The following CDC20B variants were observed in gnomAD, a reference collection of about 807,000 sequenced individuals.
CDC20B encodes the protein cell division cycle 20B, also known as cell division cycle protein 20 homolog B.
Under a neutral mutation model 64.1 loss-of-function variants are expected in CDC20B, and 58 were observed. The ratio of observed to expected loss-of-function variants is 0.90; its 90% CI spans 0.73 to 1.13. The LOEUF is 1.13. Among genes scored for constraint, CDC20B ranks in the 50% most tolerant of loss-of-function variants. The pLI, the probability that CDC20B is intolerant of heterozygous loss-of-function variation, is 0.00. For missense variants in CDC20B, 597 were observed against 633.0 expected, an observed-to-expected ratio of 0.94 and a Z score of 0.61; for synonymous variants, 243 against 230.6, an observed-to-expected ratio of 1.05 and a Z score of -0.49.
intron 6 of CDC20B, among the ~76,000 whole-genome samples, chr5:55,128,923 C>T (rs113526736): frequency 4.1e-4 from 63 of 152,218 alleles, no homozygotes; most frequent in African/African-American, 1.1e-3. Flanking sequence ...CTTCGTTTAA[C>T]GGATCAGTAA....
chr5:55,167,849 G>A (rs1458889232), intron 2 of CDC20B, among the ~76,000 whole-genome samples: 1 of 152,086 alleles, frequency 6.6e-6, no homozygotes, highest in Admixed American at 6.6e-5. Context: ...GGGCAACAGA[G>A]CGAGACCCCA....
chr5:55,129,293 A>T (rs1185192322), intron 6 of CDC20B, among the ~76,000 whole-genome samples: 5 of 152,204 alleles, frequency 3.3e-5, no homozygotes, highest in Non-Finnish European at 7.3e-5. Context: ...ACTCTGAATG[A>T]AATATAAAAA....
intron 2 of CDC20B, among the ~76,000 whole-genome samples, chr5:55,150,233 G>A (rs910787295): frequency 1.3e-5 from 2 of 152,230 alleles, no homozygotes; most frequent in Non-Finnish European, 2.9e-5. Flanking sequence ...TAGGATAATA[G>A]TGAATAAAAC....
At chr5:55,160,709 T>C (rs1174389709) in intron 2 of CDC20B, 1 of 456,404 alleles carries the variant, frequency 2.2e-6, no homozygotes, top group African/African-American at 2.0e-5. Flanking sequence ...TTCTATAATC[T>C]AATAACTTTA....
chr5:55,120,722 G>T (rs1047908512), intron 9 of CDC20B, among the ~76,000 whole-genome samples, 172 bp from the exon 10 acceptor site: 6 of 152,156 alleles, frequency 3.9e-5, no homozygotes, highest in African/African-American at 1.4e-4. Flanking sequence ...ATTCCTCAGG[G>T]ACTAGCAGTC....
In CDC20B at chr5:55,161,284, T is replaced by C; in HGVS notation, c.126+11304A>G. 2 of 1,588,308 alleles carry C rather than the reference T, an allele frequency of 1.3e-6. 1 individual carries two copies. Among genetic ancestry groups the C allele is most frequent in the South Asian group, 2.3e-5 (2 of 88,874 alleles). ...AATATCTGCCTTGCATATGCTGTTT[T>C]AAATTGCTTTTCATTTTTAAACAAT... On this transcript the variant is annotated intron_variant, in intron 2 of 11. Transcript: ENST00000381375.
At chr5:55,146,900 A>T (rs367904963) in intron 2 of CDC20B, 44 bp from the exon 3 acceptor site, 3 of 1,436,198 alleles carry the variant, frequency 2.1e-6, no homozygotes, top group African/African-American at 1.4e-5. Flanking sequence ...GGCCTCAGTG[A>T]TGCAAAAGTA....
rs1028510997 is a variant in CDC20B, at chr5:55,160,100, C to G, written c.126+12488G>C. 2.7e-5 allele frequency: 24 copies of G among 881,904 alleles called. No homozygotes were observed. In the African/African-American group the frequency reaches 2.8e-4, roughly 10 times the overall value. The allele number at this position is 881,904 out of a possible 1,614,324, so 54.6% of individuals were successfully genotyped here. A position where few individuals can be genotyped will look rare whatever the true frequency, so the allele number is the denominator to read the frequency against. On this transcript the variant is annotated intron_variant, in intron 2 of 11. Transcript: ENST00000381375. Reference sequence around the variant, plus strand: ...TTAGCAGTGAAAGCAGTCAGCCTGTCCTTCCTGGTTTTCCGTTAAACTAAG... The same window carrying G: ...TTAGCAGTGAAAGCAGTCAGCCTGTGCTTCCTGGTTTTCCGTTAAACTAAG...
intron 9 of CDC20B, among the ~76,000 whole-genome samples, chr5:55,121,670 T>C (rs961176875): frequency 3.3e-5 from 5 of 152,242 alleles, no homozygotes; most frequent in African/African-American, 9.6e-5. Context: ...GTTATAACTT[T>C]TTACAGCACC....
intron 4 of CDC20B, among the ~76,000 whole-genome samples, chr5:55,140,650 T>C (rs900473333): frequency 1.3e-5 from 2 of 152,208 alleles, no homozygotes; most frequent in African/African-American, 2.4e-5. Flanking sequence ...ATAGAGCAGG[T>C]ATTTTTTGGC....
intron 2 of CDC20B, among the ~76,000 whole-genome samples, chr5:55,148,595 T>C (rs1360270572): frequency 6.6e-6 from 1 of 152,128 alleles, no homozygotes; most frequent in Non-Finnish European, 1.5e-5. Context: ...GTACTTGTAG[T>C]CCTAGCTACT....
At chr5:55,170,796 C>T in intron 2 of CDC20B, 1 of 476,786 alleles carries the variant, frequency 2.1e-6, no homozygotes. Context: ...TAACATGAAA[C>T]ATAGTGGCAG....
At chr5:55,150,568 G>C (rs1382107382) in intron 2 of CDC20B, among the ~76,000 whole-genome samples, 1 of 152,154 alleles carries the variant, frequency 6.6e-6, no homozygotes, top group Admixed American at 6.5e-5. Flanking sequence ...GTGTTGTTGG[G>C]GGTCAGTTTT....
chr5:55,162,665 T>C (rs1182624837), intron 2 of CDC20B, among the ~76,000 whole-genome samples: 1 of 152,260 alleles, frequency 6.6e-6, no homozygotes, highest in Non-Finnish European at 1.5e-5. Context: ...GTGAGGTCTT[T>C]ATTCCTCTTA....
At chr5:55,149,585 T>C (rs190087487) in intron 2 of CDC20B, among the ~76,000 whole-genome samples, 1 of 152,316 alleles carries the variant, frequency 6.6e-6, no homozygotes, top group Non-Finnish European at 1.5e-5. Flanking sequence ...AGCATTATGC[T>C]AAGTGAAAGA....
intron 3 of CDC20B, among the ~76,000 whole-genome samples, chr5:55,145,271 T>G (rs1462506346): frequency 2.0e-5 from 3 of 152,246 alleles, no homozygotes; most frequent in Non-Finnish European, 2.9e-5. Context: ...CTTTCAGTAT[T>G]AAAGCCTGTC....
chr5:55,125,575 C>A (rs1248691982), intron 8 of CDC20B, among the ~76,000 whole-genome samples: 1 of 152,182 alleles, frequency 6.6e-6, no homozygotes, highest in Non-Finnish European at 1.5e-5. Flanking sequence ...AATGTCACAG[C>A]AAACTGCAAT....
chr5:55,135,269 GGAGA>G (rs1362897953), intron 5 of CDC20B, among the ~76,000 whole-genome samples: 1 of 151,282 alleles, frequency 6.6e-6, no homozygotes, highest in African/African-American at 2.4e-5. Context: ...AAAGAGAGAG[GGAGA>G]GAGAGAGACT....
chr5:55,141,165 A>G (rs1182153945), intron 4 of CDC20B, among the ~76,000 whole-genome samples: 1 of 152,206 alleles, frequency 6.6e-6, no homozygotes, highest in Non-Finnish European at 1.5e-5. Flanking sequence ...ATTCAGCAGC[A>G]GCTCTCATCA....
Sources: allele counts gnomAD v4.1 joint callset (sites outside exome capture counted in the v4.1 genomes callset), GRCh38; gene constraint gnomAD v4.1.1; transcripts MANE v1.5; gene names NCBI Gene and HGNC (gene_info 2026-07-23, HGNC 2026-07-21).